The following GRB2 variants were observed in gnomAD, a reference collection of about 807,000 sequenced individuals.
GRB2 encodes growth factor receptor-bound protein 2.
A neutral mutation model predicts 27.4 loss-of-function variants in GRB2; 2 were observed. That is an observed-to-expected ratio of 0.07 (90% CI 0.03 to 0.23). The LOEUF (loss-of-function observed/expected upper bound fraction) is 0.23. Among genes scored for constraint, GRB2 ranks in the 10% least tolerant of loss-of-function variants. GRB2 has a pLI of 1.00. For missense variants in GRB2, 102 were observed against 282.4 expected, an observed-to-expected ratio of 0.36 and a Z score of 4.58; for synonymous variants, 94 against 99.6, an observed-to-expected ratio of 0.94 and a Z score of 0.33.
intron 2 of GRB2, among the ~76,000 whole-genome samples, chr17:75,350,089 GCA>G (rs2078680357): frequency 6.6e-6 from 1 of 151,868 alleles, no homozygotes; most frequent in African/African-American, 2.4e-5. Context: ...GAGCAGCTGG[GCA>G]CAGTGGCATA....
chr17:75,338,949 T>TGGTGGGCA, intron 2 of GRB2: 1 of 1,144,470 alleles, frequency 8.7e-7, no homozygotes, highest in Non-Finnish European at 1.3e-6. Flanking sequence ...AGCGGCGTTA[T>TGGTGGGCA]GACAGGAAGC....
chr17:75,396,186 C>T (rs1297034649), intron 1 of GRB2, among the ~76,000 whole-genome samples: 1 of 152,098 alleles, frequency 6.6e-6, no homozygotes, highest in African/African-American at 2.4e-5. Flanking sequence ...GCATTAGCAA[C>T]TGCTTAATGT....
intron 2 of GRB2, among the ~76,000 whole-genome samples, chr17:75,392,877 A>AT (rs1189293614): frequency 6.6e-6 from 1 of 152,208 alleles, no homozygotes; most frequent in African/African-American, 2.4e-5. Flanking sequence ...ATAGAAGCTG[A>AT]TTTTTAAACT....
intron 1 of GRB2, among the ~76,000 whole-genome samples, chr17:75,401,356 A>G (rs1349548251): frequency 6.7e-6 from 1 of 149,720 alleles, no homozygotes; most frequent in African/African-American, 2.5e-5. Flanking sequence ...GAGGCAGGAG[A>G]ATGGCGTGAA....
rs116643185 is a variant in GRB2, at chr17:75,329,217, C to T, written c.177-3197G>A. ...GAAGATTCTCAATCAGCAAGGCTCT[C>T]TTTCCTCCTAGGCCCCCAAGATCTC... On this transcript the variant is annotated intron_variant, in intron 3 of 5. Coordinates refer to ENST00000316804, the MANE Select transcript of GRB2 (RefSeq NM_002086.5). 1.6e-3 allele frequency among the ~76,000 whole-genome samples: 243 copies of T among 152,192 alleles called. 1 individual carries two copies. The highest frequency in any genetic ancestry group is 5.5e-3 in the African/African-American group (230 of 41,528).
intron 2 of GRB2, among the ~76,000 whole-genome samples, chr17:75,339,908 C>T (rs1319160975): frequency 6.6e-6 from 1 of 152,152 alleles, no homozygotes; most frequent in Non-Finnish European, 1.5e-5. Context: ...GGATTACAGG[C>T]GTTAGCCACG....
intron 2 of GRB2, among the ~76,000 whole-genome samples, chr17:75,358,701 A>G (rs897711563): frequency 6.6e-4 from 4 of 6,098 alleles, no homozygotes; most frequent in African/African-American, 9.7e-4. Context: ...CATCTCTACT[A>G]AAAAAAAAAA....
intron 2 of GRB2, among the ~76,000 whole-genome samples, chr17:75,347,519 C>T (rs1005371655): frequency 6.6e-6 from 1 of 152,188 alleles, no homozygotes; most frequent in Non-Finnish European, 1.5e-5. Flanking sequence ...CCCAGCCACA[C>T]TGGGAGAGAA....
intron 3 of GRB2, among the ~76,000 whole-genome samples, chr17:75,331,132 C>G (rs757202611): frequency 2.0e-5 from 3 of 152,220 alleles, no homozygotes; most frequent in African/African-American, 7.2e-5. Context: ...ACAACAGCAA[C>G]TACGTCTGCA....
chr17:75,366,487 T>G, intron 2 of GRB2, among the ~76,000 whole-genome samples: 1 of 122,352 alleles, frequency 8.2e-6, no homozygotes, highest in Non-Finnish European at 1.7e-5. Context: ...CACAGGAGTT[T>G]GAGATCAGCT....
At chr17:75,361,473 T>C (rs1179444686) in intron 2 of GRB2, among the ~76,000 whole-genome samples, 1 of 152,206 alleles carries the variant, frequency 6.6e-6, no homozygotes, top group African/African-American at 2.4e-5. Context: ...AATGTCATCA[T>C]AAATCCTATC....
At chr17:75,341,230 G>A (rs1171764148) in intron 2 of GRB2, among the ~76,000 whole-genome samples, 19 of 151,832 alleles carry the variant, frequency 1.3e-4, no homozygotes, top group Admixed American at 1.2e-3. Flanking sequence ...TCAGGAGTTC[G>A]AGACCAGCCT....
At chr17:75,335,008 T>C (rs1409392668) in intron 2 of GRB2, among the ~76,000 whole-genome samples, 2 of 152,080 alleles carry the variant, frequency 1.3e-5, no homozygotes, top group Admixed American at 1.3e-4. Flanking sequence ...ACTTGCCATG[T>C]TGCCCAGGCT....
At chr17:75,378,383 A>AAAC (rs2078908053) in intron 2 of GRB2, among the ~76,000 whole-genome samples, 1 of 151,452 alleles carries the variant, frequency 6.6e-6, no homozygotes, top group Non-Finnish European at 1.5e-5. Flanking sequence ...ACTGTCTCAA[A>AAAC]AAACAAACAA....
chr17:75,396,199 T>C (rs182357558), intron 1 of GRB2, among the ~76,000 whole-genome samples: 1 of 152,260 alleles, frequency 6.6e-6, no homozygotes, highest in Non-Finnish European at 1.5e-5. Context: ...CTTAATGTTC[T>C]ATTTTTTACT....
At chr17:75,369,690 CAAA>C (rs35811117) in intron 2 of GRB2, among the ~76,000 whole-genome samples, 15 of 120,624 alleles carry the variant, frequency 1.2e-4, no homozygotes, top group Admixed American at 4.4e-4. Flanking sequence ...CCGTCTCCAC[CAAA>C]AAAAAAAAAA....
intron 4 of GRB2, among the ~76,000 whole-genome samples, chr17:75,323,327 A>T (rs1027555795): frequency 2.6e-5 from 4 of 152,088 alleles, no homozygotes; most frequent in Admixed American, 1.3e-4. Flanking sequence ...TGTTAAGACA[A>T]AATGTGGAAG....
intron 2 of GRB2, among the ~76,000 whole-genome samples, chr17:75,388,388 C>T (rs1017203224): frequency 5.3e-5 from 8 of 152,028 alleles, no homozygotes; most frequent in Admixed American, 5.2e-4. Context: ...CAGGCGTGAG[C>T]CACCACGCCT....
intron 3 of GRB2, among the ~76,000 whole-genome samples, chr17:75,331,183 G>A (rs1049694972): frequency 2.6e-5 from 4 of 152,238 alleles, no homozygotes; most frequent in African/African-American, 7.2e-5. Flanking sequence ...GTCTTTGTTA[G>A]CAATATGGTA....
Sources: allele counts gnomAD v4.1 joint callset (sites outside exome capture counted in the v4.1 genomes callset), GRCh38; gene constraint gnomAD v4.1.1; transcripts MANE v1.5; gene names NCBI Gene and HGNC (gene_info 2026-07-23, HGNC 2026-07-21).